The following TMEM39B variants were observed in gnomAD, a reference collection of about 807,000 sequenced individuals.
TMEM39B encodes transmembrane protein 39B.
In TMEM39B, 23 loss-of-function variants were observed where a neutral mutation model predicts 52.2. That is an observed-to-expected ratio of 0.44 (90% CI 0.32 to 0.62). The LOEUF (loss-of-function observed/expected upper bound fraction) is 0.62, where lower values mean the gene tolerates loss of function less well. Ranked by LOEUF, TMEM39B falls within the 20% of genes least tolerant of loss-of-function variation. TMEM39B has a pLI of 0.06. For synonymous variants in TMEM39B, 285 were observed against 264.0 expected, an observed-to-expected ratio of 1.08 and a Z score of -0.77; for missense variants, 547 against 642.0, an observed-to-expected ratio of 0.85 and a Z score of 1.60.
At chr1:32,085,548 C>T (rs1640307900) in intron 5 of TMEM39B, among the ~76,000 whole-genome samples, 1 of 151,984 alleles carries the variant, frequency 6.6e-6, no homozygotes, top group South Asian at 2.1e-4. Flanking sequence ...GTCAGGAGTT[C>T]AAGACCAGCC....
chr1:32,072,576 G>A (rs1639685823), upstream of TMEM39B: 5 of 165,934 alleles, frequency 3.0e-5, no homozygotes, highest in Non-Finnish European at 6.6e-5. Context: ...GTGGACTAAA[G>A]CGCAGTGAGG....
chr1:32,076,987 A>G (rs1192313476), intron 4 of TMEM39B, 141 bp downstream of exon 4: 15 of 1,270,600 alleles, frequency 1.2e-5, no homozygotes, highest in Non-Finnish European at 1.7e-5. Flanking sequence ...CATTAGTTAC[A>G]TCCCATCTTG....
chr1:32,086,469 C>A (rs1557428040), intron 5 of TMEM39B, among the ~76,000 whole-genome samples: 1 of 152,070 alleles, frequency 6.6e-6, no homozygotes, highest in Non-Finnish European at 1.5e-5. Flanking sequence ...TTAGTACACA[C>A]ACAAAAAAGA....
chr1:32,100,489 G>A lies in TMEM39B; in HGVS notation c.1163G>A (p.Ser388Asn). The change falls in exon 8 of 9, where the codon AGC (serine) becomes AAC (asparagine). Residue 388 changes from serine to asparagine, a missense_variant. By Grantham distance (46) the Ser-to-Asn change is conservative. Coordinates refer to ENST00000336294, the MANE Select transcript of TMEM39B (RefSeq NM_018056.4). ...MWPQGVLVKH[S>N]KNVYKAVGHY... ...CCGCAGGGCGTGCTGGTGAAGCACA[G>A]CAAGAACGTCTACAAAGCCGTAGGC... is the stretch of plus-strand genomic sequence containing the variant. 6.2e-7 allele frequency: 1 copy of A among 1,612,744 alleles called. No homozygotes were observed. Among genetic ancestry groups the A allele is most frequent in the African/African-American group, 1.3e-5 (1 of 75,044 alleles).
chr1:32,073,109 C>T (rs1181990237), intron 1 of TMEM39B, 58 bp downstream of exon 1: 4 of 1,393,584 alleles, frequency 2.9e-6, no homozygotes, highest in East Asian at 3.0e-5. Context: ...GTTAGGATGG[C>T]CAGGCTGCTA....
At chr1:32,075,864 G>A (rs1341415882) in intron 3 of TMEM39B, 42 bp downstream of exon 3, 1 of 1,283,796 alleles carries the variant, frequency 7.8e-7, no homozygotes, top group South Asian at 1.4e-5. Flanking sequence ...GTGTGTGTGT[G>A]CGTGTGTGTG....
At chr1:32,076,717 A>G (rs1219628361) in intron 3 of TMEM39B, 46 bp from the exon 4 acceptor site, 11 of 1,590,180 alleles carry the variant, frequency 6.9e-6, no homozygotes, top group East Asian at 4.5e-5. Flanking sequence ...AAGCCTGCAT[A>G]TGGGCAAGGG....
At chr1:32,087,645 ATCTC>A (rs991294038) in intron 5 of TMEM39B, 12 of 147,070 alleles carry the variant, frequency 8.2e-5, no homozygotes, top group African/African-American at 2.5e-4. Flanking sequence ...TAATAATTTC[ATCTC>A]TCTTTTTTTT....
chr1:32,094,287 C>T lies in TMEM39B; in HGVS notation c.928-497C>T, dbSNP rs534044535. ...GACTACAGGCACACGCCACCACGCCCGGCTAATTTTTGTATTTTTAGTAGA... is the reference window on the plus strand; with the variant it reads ...GACTACAGGCACACGCCACCACGCCTGGCTAATTTTTGTATTTTTAGTAGA... On this transcript the variant is annotated intron_variant, in intron 6 of 8. Coordinates refer to ENST00000336294, the MANE Select transcript of TMEM39B (RefSeq NM_018056.4). Among the ~76,000 whole-genome samples, 240 of 151,350 alleles carry T rather than the reference C, an allele frequency of 1.6e-3. 2 individuals are homozygous for T. Among genetic ancestry groups the T allele is most frequent in the African/African-American group, 5.6e-3 (230 of 41,200 alleles).
chr1:32,074,512 C>T (rs748439753), intron 1 of TMEM39B, among the ~76,000 whole-genome samples: 4 of 152,100 alleles, frequency 2.6e-5, no homozygotes, highest in Non-Finnish European at 5.9e-5. Context: ...ACCTCATTGA[C>T]CTTTCATTGT....
At chr1:32,082,333 T>C (rs1242378376) in intron 5 of TMEM39B, among the ~76,000 whole-genome samples, 1 of 152,192 alleles carries the variant, frequency 6.6e-6, no homozygotes, top group Non-Finnish European at 1.5e-5. Flanking sequence ...AACCAGTATG[T>C]GGCTTTGATA....
intron 5 of TMEM39B, among the ~76,000 whole-genome samples, chr1:32,089,677 C>T (rs1640523043): frequency 6.7e-6 from 1 of 149,428 alleles, no homozygotes; most frequent in African/African-American, 2.5e-5. Context: ...AATGGAGTCT[C>T]ACTCTGTTAC....
intron 7 of TMEM39B, 62 bp from the exon 8 acceptor site, chr1:32,100,380 C>A: frequency 6.7e-7 from 1 of 1,499,384 alleles, no homozygotes; most frequent in Non-Finnish European, 8.9e-7. Flanking sequence ...CCTGCCCATT[C>A]TTCTGGTATC....
Position 32,075,842 on chromosome 1 carries a change from GT to G in TMEM39B, c.351+21del, listed in dbSNP as rs1340716827. On this transcript the variant is annotated intron_variant, in intron 3 of 8. Transcript: ENST00000336294. The stretch of plus-strand genomic sequence containing the variant: ...TCCCTGGTAGGTACCCAACAAGGGT[GT>G]GTGTGTGTGTGTGTGTGTGTGCGTG... 3 of 1,127,438 alleles carry G rather than the reference GT, an allele frequency of 2.7e-6. No homozygotes were observed. Among genetic ancestry groups the G allele is most frequent in the African/African-American group, 4.3e-5 (2 of 46,972 alleles). The allele number at this position is 1,127,438 out of a possible 1,614,324, so 69.8% of individuals were successfully genotyped here.
chr1:32,097,628 C>T (rs559768532), intron 7 of TMEM39B, among the ~76,000 whole-genome samples: 13 of 151,526 alleles, frequency 8.6e-5, no homozygotes, highest in Non-Finnish European at 1.6e-4. Context: ...CTGTTGCACC[C>T]GGCCCCAACT....
At chr1:32,090,304 CAG>C (rs1640550357) in intron 5 of TMEM39B, among the ~76,000 whole-genome samples, 1 of 152,122 alleles carries the variant, frequency 6.6e-6, no homozygotes, top group Non-Finnish European at 1.5e-5. Flanking sequence ...GGGTGCTGCT[CAG>C]GGGAAAGGAT....
At chr1:32,077,770 A>T (rs1639927073) in intron 5 of TMEM39B, among the ~76,000 whole-genome samples, 1 of 152,036 alleles carries the variant, frequency 6.6e-6, no homozygotes, top group South Asian at 2.1e-4. Flanking sequence ...GTGTCTATGC[A>T]TGAAGCGTGT....
chr1:32,097,640 C>T (rs1640861603), intron 7 of TMEM39B, among the ~76,000 whole-genome samples: 1 of 150,984 alleles, frequency 6.6e-6, no homozygotes, highest in African/African-American at 2.4e-5. Context: ...GCCCCAACTT[C>T]TTTTTTTTGT....
chr1:32,072,304 A>G (rs1315667298), upstream of TMEM39B: 1 of 152,128 alleles, frequency 6.6e-6, no homozygotes, highest in Non-Finnish European at 1.5e-5. Flanking sequence ...ACTAAAACAG[A>G]CTCAGTTCTG....
Sources: gnomAD v4.1 joint callset for allele counts (sites outside exome capture counted in the v4.1 genomes callset) on GRCh38, gnomAD v4.1.1 for gene constraint, MANE v1.5 for transcripts, NCBI Gene and HGNC (gene_info 2026-07-23, HGNC 2026-07-21) for gene names.